ZMYM2: variants seen among roughly 807,000 people sequenced by gnomAD.
The protein encoded by ZMYM2 is zinc finger MYM-type protein 2.
A neutral mutation model predicts 162.8 loss-of-function variants in ZMYM2; 56 were observed. The observed-to-expected ratio is 0.34, with a 90% confidence interval of 0.28 to 0.43. ZMYM2 has a LOEUF of 0.43. ZMYM2 is among the 20% of genes least tolerant of loss of function. The pLI is 1.00. For synonymous variants in ZMYM2, 510 were observed against 541.6 expected, an observed-to-expected ratio of 0.94 and a Z score of 0.81; for missense variants, 1,275 against 1,621.8, an observed-to-expected ratio of 0.79 and a Z score of 3.67.
chr13:19,904,988 T>C, the ZMYM2 span, among the ~76,000 whole-genome samples: 1 of 151,948 alleles, frequency 6.6e-6, no homozygotes, highest in South Asian at 2.1e-4. Flanking sequence ...CAAATATCCA[T>C]TTGAGTTCTT....
chr13:20,024,028 A>G (rs892759369), intron 7 of ZMYM2, among the ~76,000 whole-genome samples: 1 of 150,828 alleles, frequency 6.6e-6, no homozygotes, highest in Non-Finnish European at 1.5e-5. Context: ...TCTGCCTCCC[A>G]GGTTCAAGTG....
At chr13:19,953,475 G>GT in the ZMYM2 span, among the ~76,000 whole-genome samples, 7 of 152,204 alleles carry the variant, frequency 4.6e-5, no homozygotes, top group Middle Eastern at 3.4e-3. Flanking sequence ...ACGAGGTCAA[G>GT]AGATCGAGAC....
At chr13:20,001,058 A>G (rs556689436) in intron 3 of ZMYM2, among the ~76,000 whole-genome samples, 1 of 152,292 alleles carries the variant, frequency 6.6e-6, no homozygotes, top group South Asian at 2.1e-4. Flanking sequence ...AAGTAATTGT[A>G]GATGTGGTGG....
chr13:20,006,259 C>A, intron 5 of ZMYM2, 115 bp from the exon 6 acceptor site: 6 of 1,028,724 alleles, frequency 5.8e-6, no homozygotes, highest in Non-Finnish European at 4.0e-6. Context: ...TTTTTTTTTT[C>A]CTTTTCTCCA....
chr13:20,008,085 A>G (rs1418441369), intron 6 of ZMYM2, among the ~76,000 whole-genome samples: 1 of 152,236 alleles, frequency 6.6e-6, no homozygotes, highest in Non-Finnish European at 1.5e-5. Flanking sequence ...GACTACAATT[A>G]AGATAATTTG....
intron 24 of ZMYM2, among the ~76,000 whole-genome samples, chr13:20,085,518 T>C (rs1260676969): frequency 1.3e-5 from 2 of 152,212 alleles, no homozygotes; most frequent in South Asian, 2.1e-4. Flanking sequence ...CAGTTTAAAT[T>C]GTTGCATCTT....
chr13:19,948,579 T>C, the ZMYM2 span, among the ~76,000 whole-genome samples: 1 of 152,162 alleles, frequency 6.6e-6, no homozygotes, highest in African/African-American at 2.4e-5. Flanking sequence ...AGCAGAAAGA[T>C]CAATGGTTAC....
the ZMYM2 span, among the ~76,000 whole-genome samples, chr13:19,872,097 G>A: frequency 1.3e-5 from 2 of 151,690 alleles, no homozygotes; most frequent in South Asian, 2.1e-4. Flanking sequence ...AGCTTCTAGA[G>A]TAGCTGGGAT....
At chr13:19,899,125 G>A in the ZMYM2 span, among the ~76,000 whole-genome samples, 1 of 151,610 alleles carries the variant, frequency 6.6e-6, no homozygotes, top group Non-Finnish European at 1.5e-5. Flanking sequence ...GGTAATTTTT[G>A]TATTTTTAGT....
chr13:20,082,847 C>T lies in ZMYM2; in HGVS notation c.3635C>T (p.Pro1212Leu). 6.2e-7 allele frequency: 1 copy of T among 1,613,760 alleles called. No individual in the cohort carries two copies. Among genetic ancestry groups the T allele is most frequent in the Non-Finnish European group, 8.5e-7 (1 of 1,179,786 alleles). The stretch of plus-strand genomic sequence containing the variant: ...ATAAAACAACTAGGATCACACTCTC[C>T]AGTAGCTCTTCTGAATACACTGTTC... ...WRIKQLGSHS[P>L]VALLNTLFYF... The change falls in exon 23 of 25, where the codon CCA becomes CTA. Residue 1212 changes from proline (P) to leucine (L), a missense_variant. Pro to Leu is a moderately conservative substitution (Grantham distance 98). This residue lies in a region of ZMYM2 where 103 missense variants were observed against 192.2 expected (regional missense o/e 0.54). Transcript: ENST00000610343.
rs1020267353 is a variant in ZMYM2, at chr13:20,026,824, TACTC to T, written c.1735+64_1735+67del. 33 of 1,485,532 alleles carry T rather than the reference TACTC, an allele frequency of 2.2e-5. 1 individual carries two copies. The highest frequency in any genetic ancestry group is 2.0e-4 in the African/African-American group (14 of 69,812). 92.0% of individuals were successfully genotyped at this position (1,485,532 alleles called of 1,614,324 possible). A position where few individuals can be genotyped will look rare whatever the true frequency, so the allele number is the denominator to read the frequency against. On this transcript the variant is annotated intron_variant, in intron 8 of 24. Coordinates refer to ENST00000610343, the MANE Select transcript of ZMYM2 (RefSeq NM_197968.4). Reference sequence around the variant, plus strand: ...ACAACGTAATTAATTTTTGCATAAATACTCATTTGATGTTTTTATGCTTGTTTTT... The same window carrying T: ...ACAACGTAATTAATTTTTGCATAAATATTTGATGTTTTTATGCTTGTTTTT...
At chr13:20,072,369 A>G (rs1233320946) in intron 21 of ZMYM2, among the ~76,000 whole-genome samples, 1 of 152,090 alleles carries the variant, frequency 6.6e-6, no homozygotes, top group Non-Finnish European at 1.5e-5. Context: ...AAAAATACAA[A>G]AATTAGCTGG....
the ZMYM2 span, among the ~76,000 whole-genome samples, chr13:19,916,757 A>G: frequency 6.6e-6 from 1 of 152,202 alleles, no homozygotes; most frequent in South Asian, 2.1e-4. Flanking sequence ...GAAATACCTA[A>G]TGTAAATGAC....
At chr13:19,945,096 G>A in the ZMYM2 span, among the ~76,000 whole-genome samples, 16 of 152,094 alleles carry the variant, frequency 1.1e-4, no homozygotes, top group African/African-American at 3.9e-4. Flanking sequence ...GTATTATAGT[G>A]ATATAATTTA....
chr13:19,873,698 C>G, the ZMYM2 span, among the ~76,000 whole-genome samples: 1 of 152,172 alleles, frequency 6.6e-6, no homozygotes, highest in Non-Finnish European at 1.5e-5. Context: ...TGAGCCACCA[C>G]GCCCAGCCCA....
chr13:19,993,027 C>A, intron 2 of ZMYM2, 36 bp from the exon 3 acceptor site: 1 of 1,528,758 alleles, frequency 6.5e-7, no homozygotes, highest in Non-Finnish European at 8.8e-7. Flanking sequence ...AAAAGTCATA[C>A]TGACATTTTA....
the ZMYM2 span, among the ~76,000 whole-genome samples, chr13:19,941,501 A>G: frequency 1.3e-5 from 2 of 152,120 alleles, no homozygotes; most frequent in African/African-American, 2.4e-5. Flanking sequence ...ATGGAAGCAC[A>G]GTAAAGACAT....
intron 2 of ZMYM2, among the ~76,000 whole-genome samples, chr13:19,983,172 T>TCTCATTCTGTTGCC (rs1329925700): frequency 6.8e-6 from 1 of 146,970 alleles, no homozygotes; most frequent in Admixed American, 6.9e-5. Context: ...TGAGACGGAG[T>TCTCATTCTGTTGCC]CTCATTCTGT....
chr13:19,883,434 A>G, the ZMYM2 span, among the ~76,000 whole-genome samples: 1 of 152,240 alleles, frequency 6.6e-6, no homozygotes, highest in Non-Finnish European at 1.5e-5. Flanking sequence ...AGAATGAAGC[A>G]CATCTTTGAC....
Sources: gnomAD v4.1 joint callset for allele counts (sites outside exome capture counted in the v4.1 genomes callset) on GRCh38, gnomAD v4.1.1 for gene constraint, gnomAD v4.1.1 regional missense constraint, MANE v1.5 for transcripts, NCBI Gene and HGNC (gene_info 2026-07-23, HGNC 2026-07-21) for gene names.